Variants in CLIC2 observed in about 807,000 individuals in gnomAD.
CLIC2 encodes the protein chloride intracellular channel protein 2.
A neutral mutation model predicts 14.8 loss-of-function variants in CLIC2; 9 were observed. The ratio of observed to expected loss-of-function variants is 0.61; its 90% CI spans 0.37 to 1.06. The LOEUF (loss-of-function observed/expected upper bound fraction) is 1.06. Ranked by LOEUF, CLIC2 falls within the 50% of genes least tolerant of loss-of-function variation. CLIC2 has a pLI of 0.01. For missense variants in CLIC2, 148 were observed against 181.4 expected (o/e 0.82, Z 1.06); for synonymous variants, 61 against 66.3 (o/e 0.92, Z 0.39).
intron 1 of CLIC2, among the ~76,000 whole-genome samples, chrX:155,320,093 G>C (rs1272504265): frequency 8.9e-6 from 1 of 112,180 alleles, no homozygotes; most frequent in South Asian, 3.7e-4. Context: ...ATCTCCCTGC[G>C]ACAGAACACC....
At chrX:155,292,651 T>C (rs2074975366) in intron 3 of CLIC2, 2 of 255,654 alleles carry the variant, frequency 7.8e-6, no homozygotes, top group Non-Finnish European at 1.4e-5. Flanking sequence ...GCGCCTGTAG[T>C]CCCAGCTACT....
rs141552257 is a variant in CLIC2, at chrX:155,292,110, A to C, written c.293+6675T>G. The C allele has an allele frequency of 1.4e-4, 77 of 565,814 alleles. No individual in the cohort carries two copies. The African/African-American group carries it at 1.6e-3, about 12-fold the overall frequency. 46.6% of individuals were successfully genotyped at this position (565,814 alleles called of 1,213,427 possible). Reference sequence around the variant, plus strand: ...AGTCAAGATCTTGGCTTTAGTTACTATCCAGCATAAAATTTGATAGAGTAC... The same window carrying C: ...AGTCAAGATCTTGGCTTTAGTTACTCTCCAGCATAAAATTTGATAGAGTAC... On this transcript the variant is annotated intron_variant, in intron 3 of 5. Coordinates refer to ENST00000369449, the MANE Select transcript of CLIC2 (RefSeq NM_001289.6).
chrX:155,287,360 G>C (rs1484018072), intron 3 of CLIC2, among the ~76,000 whole-genome samples: 1 of 111,096 alleles, frequency 9.0e-6, no homozygotes, highest in African/African-American at 3.3e-5. Context: ...TTGAGACAGA[G>C]TTTCACTCTG....
At chrX:155,303,742 T>C in intron 1 of CLIC2, among the ~76,000 whole-genome samples, 1 of 90,211 alleles carries the variant, frequency 1.1e-5, no homozygotes, top group South Asian at 6.5e-4. Context: ...CCATGTTTAG[T>C]GCTTCCTTCA....
At chrX:155,288,422 T>C (rs1215529544) in intron 3 of CLIC2, among the ~76,000 whole-genome samples, 1 of 112,055 alleles carries the variant, frequency 8.9e-6, no homozygotes, top group African/African-American at 3.2e-5. Context: ...GGAATGTCCA[T>C]TTACTTTAAT....
intron 1 of CLIC2, among the ~76,000 whole-genome samples, chrX:155,320,574 C>A: frequency 8.9e-6 from 1 of 111,914 alleles, no homozygotes; most frequent in Non-Finnish European, 1.9e-5. Context: ...ACATAAAAGA[C>A]CAAAAGTAGA....
chrX:155,280,691 C>CA (rs1366881556), intron 3 of CLIC2, among the ~76,000 whole-genome samples: 2 of 106,387 alleles, frequency 1.9e-5, no homozygotes, highest in East Asian at 5.8e-4. Context: ...AACTCAGTCT[C>CA]AAAAAAAGAA....
At chrX:155,292,257 A>G in intron 3 of CLIC2, 1 of 572,438 alleles carries the variant, frequency 1.7e-6, no homozygotes, top group African/African-American at 2.2e-5. Flanking sequence ...TTGTCTCACA[A>G]GGAGAAACTC....
At chrX:155,315,088 A>C (rs2075090318) in intron 1 of CLIC2, among the ~76,000 whole-genome samples, 1 of 111,905 alleles carries the variant, frequency 8.9e-6, no homozygotes, top group South Asian at 3.7e-4. Context: ...AAAGTGAACA[A>C]AGCCTCCAAA....
At chrX:155,313,560 G>A (rs192562263) in intron 1 of CLIC2, among the ~76,000 whole-genome samples, 1 of 112,301 alleles carries the variant, frequency 8.9e-6, no homozygotes. Context: ...TAATTAAGAT[G>A]GCAGATAGGA....
chrX:155,288,249 T>C (rs1469835892), intron 3 of CLIC2, among the ~76,000 whole-genome samples: 1 of 112,102 alleles, frequency 8.9e-6, no homozygotes, highest in African/African-American at 3.2e-5. Flanking sequence ...TTCACTGCTA[T>C]ATAAATTTAT....
chrX:155,287,620 T>G (rs1639909923), intron 3 of CLIC2, among the ~76,000 whole-genome samples: 1 of 111,899 alleles, frequency 8.9e-6, no homozygotes, highest in African/African-American at 3.2e-5. Context: ...AGGTGTTGTA[T>G]CAGTACCATG....
rs1354599183 is a variant in CLIC2 at position 155,276,551 on chromosome X, C to T, written c.*1352G>A. 9.0e-6 allele frequency: 1 copy of T among 111,635 alleles called. No homozygotes were observed. Among genetic ancestry groups the T allele is most frequent in the East Asian group, 2.8e-4 (1 of 3,563 alleles). The allele number at this position is 111,635 out of a possible 1,213,427, so 9.2% of individuals were successfully genotyped here. A position where few individuals can be genotyped will look rare whatever the true frequency, so the allele number is the denominator to read the frequency against. On this transcript the variant is annotated 3_prime_UTR_variant, in exon 6 of 6. Coordinates refer to ENST00000369449, the MANE Select transcript of CLIC2 (RefSeq NM_001289.6). ...TTCTCTCCCTAGCCCCTGGTAACCA[C>T]GATTCTACCCTCTACTTGTGTGAGA...
At chrX:155,292,094 C>A (rs2074968824) in intron 3 of CLIC2, 1 of 564,625 alleles carries the variant, frequency 1.8e-6, no homozygotes, top group South Asian at 2.2e-5. Context: ...AAGTCAAGAT[C>A]TTGGCTTTAG....
Position 155,280,086 on chromosome X carries a change from G to T in CLIC2, c.294-18C>A. On this transcript the variant is annotated intron_variant, in intron 3 of 5. Coordinates refer to ENST00000369449, the MANE Select transcript of CLIC2 (RefSeq NM_001289.6). ...GAGGGTACCTTAAAAAGAAACATGC[G>T]TCAACTATCATTTGCACATAACATG... 1.9e-6 allele frequency: 2 copies of T among 1,059,697 alleles called. No homozygotes were observed. Among genetic ancestry groups the T allele is most frequent in the East Asian group, 6.0e-5 (2 of 33,136 alleles). 87.3% of individuals were successfully genotyped at this position (1,059,697 alleles called of 1,213,427 possible). A position where few individuals can be genotyped will look rare whatever the true frequency, so the allele number is the denominator to read the frequency against.
intron 1 of CLIC2, among the ~76,000 whole-genome samples, chrX:155,302,100 A>G (rs1182310953): frequency 9.6e-6 from 1 of 104,666 alleles, no homozygotes; most frequent in Non-Finnish European, 2.0e-5. Flanking sequence ...TCATAAAATG[A>G]GTTAGGGAGG....
In CLIC2 at chrX:155,314,128, T is replaced by A. The variant is rs189884079; in HGVS notation, c.58-14983A>T. 1.4e-4 allele frequency among the ~76,000 whole-genome samples: 15 copies of A among 110,577 alleles called. No individual in the cohort carries two copies. In the East Asian group the frequency reaches 3.4e-3, roughly 25 times the overall value. Reference sequence around the variant, plus strand: ...ACCCTGGTTGCAAGGACAAGGGACATAATCTCTTGGGAGCTCTATGGCTCT... The same window carrying A: ...ACCCTGGTTGCAAGGACAAGGGACAAAATCTCTTGGGAGCTCTATGGCTCT... On this transcript the variant is annotated intron_variant, in intron 1 of 5. Transcript: ENST00000369449.
chrX:155,329,228 T>C (rs971204506), intron 1 of CLIC2, among the ~76,000 whole-genome samples: 2 of 109,579 alleles, frequency 1.8e-5, no homozygotes, highest in Non-Finnish European at 3.8e-5. Context: ...ATAACCAGAA[T>C]ATATAAGGAG....
intron 1 of CLIC2, among the ~76,000 whole-genome samples, chrX:155,320,125 G>C (rs1170025180): frequency 8.9e-6 from 1 of 112,421 alleles, no homozygotes; most frequent in African/African-American, 3.2e-5. Context: ...GTGGCTGTGG[G>C]TGCAGCTTCA....
Sources: allele counts gnomAD v4.1 joint callset (sites outside exome capture counted in the v4.1 genomes callset), GRCh38; gene constraint gnomAD v4.1.1; transcripts MANE v1.5; gene names NCBI Gene and HGNC (gene_info 2026-07-23, HGNC 2026-07-21).